Variants in ASIC2 observed in about 807,000 individuals in gnomAD.
ASIC2 encodes the protein acid sensing ion channel subunit 2, also known as acid-sensing ion channel 2.
ASIC2 carries 25 observed loss-of-function variants against 57.3 expected under a neutral mutation model. The observed-to-expected ratio is 0.44, with a 90% CI of 0.32 to 0.61. ASIC2 has a LOEUF of 0.61. Among genes scored for constraint, ASIC2 ranks in the 20% least tolerant of loss-of-function variants. The pLI is 0.06. For synonymous variants in ASIC2, 319 were observed against 307.5 expected (o/e 1.04, Z -0.39); for missense variants, 641 against 738.1 (o/e 0.87, Z 1.52).
intron 1 of ASIC2, among the ~76,000 whole-genome samples, chr17:33,856,518 GGTGGTAGTAGTA>G (rs1443092317): frequency 6.6e-6 from 1 of 151,052 alleles, no homozygotes; most frequent in Non-Finnish European, 1.5e-5. Flanking sequence ...TAGTGGTGGT[GGTGGTAGTAGTA>G]GTGGTAGTAG....
intron 1 of ASIC2, among the ~76,000 whole-genome samples, chr17:33,865,605 A>C (rs762875533): frequency 6.6e-5 from 10 of 152,158 alleles, no homozygotes; most frequent in Non-Finnish European, 1.5e-4. Flanking sequence ...TCTTTCTAAA[A>C]AACGTTTGTT....
chr17:33,288,244 C>G (rs765739930), intron 1 of ASIC2, among the ~76,000 whole-genome samples: 4 of 152,064 alleles, frequency 2.6e-5, no homozygotes, highest in Non-Finnish European at 5.9e-5. Context: ...GGCATAGATG[C>G]AGCAGGTGGT....
At chr17:34,015,700 A>G (rs73986811) in intron 1 of ASIC2, among the ~76,000 whole-genome samples, 3,205 of 152,358 alleles carry the variant, frequency 0.021, 116 homozygotes, top group African/African-American at 0.072. Flanking sequence ...CTCTAATTCT[A>G]TATTCCTTTC....
At position 34,156,759 on chromosome 17, in the gene ASIC2, A is replaced by G; in HGVS notation, c.-227T>C. ...TAGCTCTTGATTTTTTCCAGGCGAT[A>G]AGGAGGGCTGGTTTTATTTAGGGAG... On this transcript the variant is annotated 5_prime_UTR_variant, in exon 1 of 10. Coordinates refer to the ASIC2 transcript ENST00000359872. The surrounding 1 kb of genome is among the most constrained non-coding windows in gnomAD (Gnocchi z 4.4). 1.9e-6 allele frequency: 1 copy of G among 536,224 alleles called. No homozygotes were observed. Among genetic ancestry groups the G allele is most frequent in the Non-Finnish European group, 3.3e-6 (1 of 305,538 alleles). 33.2% of individuals were successfully genotyped at this position (536,224 alleles called of 1,614,324 possible).
At chr17:33,983,899 A>C (rs1219876150) in intron 1 of ASIC2, among the ~76,000 whole-genome samples, 2 of 152,272 alleles carry the variant, frequency 1.3e-5, no homozygotes, top group Admixed American at 6.5e-5. Flanking sequence ...ACAGCAAAGA[A>C]TTATCTGGCT....
At chr17:33,362,662 G>C (rs1180747028) in intron 1 of ASIC2, among the ~76,000 whole-genome samples, 1 of 152,222 alleles carries the variant, frequency 6.6e-6, no homozygotes, top group Non-Finnish European at 1.5e-5. Context: ...GGATAGGAGA[G>C]CCCTTACTCC....
chr17:33,346,775 A>G (rs1907965654), intron 1 of ASIC2, among the ~76,000 whole-genome samples: 1 of 152,168 alleles, frequency 6.6e-6, no homozygotes, highest in South Asian at 2.1e-4. Context: ...CCCCAGACTG[A>G]GCCCTGAGGT....
intron 1 of ASIC2, among the ~76,000 whole-genome samples, chr17:33,884,360 G>T (rs1442110356): frequency 6.6e-6 from 1 of 152,138 alleles, no homozygotes; most frequent in Admixed American, 6.5e-5. Context: ...TCAGGCCTAG[G>T]GATAGTGATA....
At position 33,436,850 on chromosome 17, in the gene ASIC2, C is replaced by CTTTTTTTTTTTTTTTTTTT. The variant is rs1244300127; in HGVS notation, c.556-324784_556-324783insAAAAAAAAAAAAAAAAAAA. Among the ~76,000 whole-genome samples, 10 of 76,038 alleles carry CTTTTTTTTTTTTTTTTTTT rather than the reference C, an allele frequency of 1.3e-4. 3 individuals are homozygous for CTTTTTTTTTTTTTTTTTTT. The highest frequency in any genetic ancestry group is 4.4e-4 in the South Asian group (1 of 2,288). The allele number at this position is 76,038 out of a possible 152,430, so 49.9% of individuals were successfully genotyped here. ...TGCAATGCCTTAAAACACATTCCAA[C>CTTTTTTTTTTTTTTTTTTT]TTCTTTTTTTTTTTTTTTTTTTTTT... On this transcript the variant is annotated intron_variant, in intron 1 of 9. Transcript: ENST00000359872.
At chr17:33,251,519 G>C (rs962599243) in intron 1 of ASIC2, among the ~76,000 whole-genome samples, 1 of 152,018 alleles carries the variant, frequency 6.6e-6, no homozygotes, top group Non-Finnish European at 1.5e-5. Flanking sequence ...GTGGAAACAG[G>C]GTCTTGCTAT....
chr17:33,416,393 T>A (rs1226048207), intron 1 of ASIC2, among the ~76,000 whole-genome samples: 2 of 152,198 alleles, frequency 1.3e-5, no homozygotes, highest in African/African-American at 2.4e-5. Flanking sequence ...TCCTTGCCAG[T>A]GAATAACTAG....
chr17:33,412,588 A>T (rs991873215), intron 1 of ASIC2, among the ~76,000 whole-genome samples: 1 of 152,212 alleles, frequency 6.6e-6, no homozygotes. Context: ...GGTCTTGCTG[A>T]GGCAAAACTA....
chr17:33,555,771 A>C (rs1042751686), intron 1 of ASIC2, among the ~76,000 whole-genome samples: 1 of 152,130 alleles, frequency 6.6e-6, no homozygotes, highest in African/African-American at 2.4e-5. Context: ...CAAAGCAATC[A>C]TGGAAAGAAC....
intron 1 of ASIC2, among the ~76,000 whole-genome samples, chr17:33,405,532 G>T (rs1910442363): frequency 7.1e-6 from 1 of 140,350 alleles, no homozygotes; most frequent in African/African-American, 2.7e-5. Context: ...TGCCCAGGCT[G>T]CAGAGCAGTG....
chr17:33,576,747 T>C (rs1335011980), intron 1 of ASIC2, among the ~76,000 whole-genome samples: 1 of 149,024 alleles, frequency 6.7e-6, no homozygotes, highest in East Asian at 2.0e-4. Flanking sequence ...TACCCATAAA[T>C]GCTATACCTG....
chr17:33,793,074 C>T (rs1023109661), intron 1 of ASIC2, among the ~76,000 whole-genome samples: 1 of 152,120 alleles, frequency 6.6e-6, no homozygotes, highest in Admixed American at 6.5e-5. Context: ...GTTAGATAAC[C>T]CTGTGTGGAA....
chr17:34,057,324 G>A lies in ASIC2; in HGVS notation c.555+98654C>T, dbSNP rs959084053. Among the ~76,000 whole-genome samples the A allele has an allele frequency of 2.6e-5, 4 of 152,292 alleles. No individual in the cohort carries two copies. The East Asian group carries it at 7.7e-4, about 29-fold the overall frequency. ...TATTAAATTAAAAGTTTCTCTGAAG[G>A]AAGTATTGGGAAAGGATATTCTAAA... On this transcript the variant is annotated intron_variant, in intron 1 of 9. Coordinates refer to the ASIC2 transcript ENST00000359872.
At chr17:33,094,483 C>T (rs1023749893) in intron 2 of ASIC2, among the ~76,000 whole-genome samples, 3 of 152,106 alleles carry the variant, frequency 2.0e-5, no homozygotes, top group Non-Finnish European at 4.4e-5. Context: ...CCTTTGTTAA[C>T]AGTCTTTGAT....
At chr17:33,518,339 G>A (rs1330176159) in intron 1 of ASIC2, among the ~76,000 whole-genome samples, 2 of 152,206 alleles carry the variant, frequency 1.3e-5, no homozygotes, top group Admixed American at 1.3e-4. Context: ...TGCTGCCCAC[G>A]TGGGCTCTGA....
Sources: gnomAD v4.1 joint callset for allele counts (sites outside exome capture counted in the v4.1 genomes callset) on GRCh38, gnomAD v4.1.1 for gene constraint, Gnocchi (gnomAD v3.1) non-coding constraint, MANE v1.5 for transcripts, NCBI Gene and HGNC (gene_info 2026-07-23, HGNC 2026-07-21) for gene names.